The following MYO18B variants were observed in gnomAD, a reference collection of about 807,000 sequenced individuals.
MYO18B encodes the protein myosin XVIIIB, also known as unconventional myosin-XVIIIb.
A neutral mutation model predicts 273.0 loss-of-function variants in MYO18B; 204 were observed. That is an observed-to-expected ratio of 0.75 (90% CI 0.67 to 0.84). The LOEUF (loss-of-function observed/expected upper bound fraction) is 0.84, where lower values mean the gene tolerates loss of function less well. Among genes scored for constraint, MYO18B ranks in the 40% least tolerant of loss-of-function variants. The pLI is 0.00. For synonymous variants in MYO18B, 1,330 were observed against 1,305.7 expected, an observed-to-expected ratio of 1.02 and a Z score of -0.40; for missense variants, 3,212 against 3,287.6, an observed-to-expected ratio of 0.98 and a Z score of 0.56.
intron 39 of MYO18B, among the ~76,000 whole-genome samples, chr22:25,968,920 C>T (rs2093007037): frequency 6.6e-6 from 1 of 152,212 alleles, no homozygotes; most frequent in Non-Finnish European, 1.5e-5. Flanking sequence ...ATGGTGGCAG[C>T]TTCCTCTGAA....
chr22:26,040,168 C>A, the MYO18B span, among the ~76,000 whole-genome samples: 1 of 152,330 alleles, frequency 6.6e-6, no homozygotes, highest in African/African-American at 2.4e-5. Flanking sequence ...CTAGCTCCAT[C>A]TGAGTTGCTG....
intron 21 of MYO18B, among the ~76,000 whole-genome samples, chr22:25,855,035 C>T (rs1292007341): frequency 6.6e-6 from 1 of 152,094 alleles, no homozygotes; most frequent in Non-Finnish European, 1.5e-5. Context: ...ATCATTTCAT[C>T]ACCCAGGTAT....
At chr22:25,774,336 T>C (rs1261575996) in intron 7 of MYO18B, among the ~76,000 whole-genome samples, 2 of 152,180 alleles carry the variant, frequency 1.3e-5, no homozygotes, top group South Asian at 2.1e-4. Flanking sequence ...GTCCTTGTGG[T>C]GAGTGCTTAG....
At chr22:25,874,604 C>T (rs777872513) in intron 23 of MYO18B, among the ~76,000 whole-genome samples, 190 bp downstream of exon 23, 16 of 152,188 alleles carry the variant, frequency 1.1e-4, no homozygotes, top group East Asian at 5.8e-4. Flanking sequence ...TCCATGAGGT[C>T]GGCCTTGCGC....
the MYO18B span, among the ~76,000 whole-genome samples, chr22:26,041,681 G>A: frequency 0.026 from 3,926 of 152,286 alleles, 170 homozygotes; most frequent in African/African-American, 0.089. Flanking sequence ...AGACAAGAGC[G>A]GAATTAGGGA....
At chr22:25,968,646 CCTTT>C (rs1481129950) in intron 39 of MYO18B, among the ~76,000 whole-genome samples, 2 of 152,150 alleles carry the variant, frequency 1.3e-5, no homozygotes, top group African/African-American at 4.8e-5. Flanking sequence ...GCCTAAATTC[CCTTT>C]CTATCTTCTC....
chr22:25,932,915 G>A (rs930747280), intron 34 of MYO18B, among the ~76,000 whole-genome samples: 2 of 151,930 alleles, frequency 1.3e-5, no homozygotes, highest in East Asian at 3.9e-4. Flanking sequence ...GACCTGCCAA[G>A]CCTAAAATAA....
intron 39 of MYO18B, among the ~76,000 whole-genome samples, chr22:25,990,043 TGCCACCACCACGGCGTCCTTCCC>T (rs2093247643): frequency 6.6e-6 from 1 of 152,192 alleles, no homozygotes; most frequent in Non-Finnish European, 1.5e-5. Flanking sequence ...CTCCTTCTCA[TGCCACCACCACGGCGTCCTTCCC>T]GCCACCCCTT....
Position 25,785,451 on chromosome 22 carries a change from T to C in MYO18B, c.2336T>C (p.Met779Thr), listed in dbSNP as rs370084344. The part of the protein sequence containing the change: ...DLRTELNLHQ[M>T]ADSSSFGMGV... ...AGGACGGAGCTGAACCTGCACCAGATGGCAGATAGCAGCTCCTTTGGCATG... is the reference window on the plus strand; with the variant it reads ...AGGACGGAGCTGAACCTGCACCAGACGGCAGATAGCAGCTCCTTTGGCATG... The change falls in exon 11 of 44, where the codon ATG (methionine) becomes ACG (threonine). Residue 779 changes from methionine (M) to threonine (T), a missense_variant. By Grantham distance (81) the Met-to-Thr change is moderately conservative (BLOSUM62 -1). Transcript: ENST00000335473. The C allele has an allele frequency of 9.5e-5, 153 of 1,611,894 alleles. No homozygotes were observed. The highest frequency in any genetic ancestry group is 6.0e-4 in the South Asian group (54 of 90,292).
intron 8 of MYO18B, among the ~76,000 whole-genome samples, chr22:25,778,675 A>G (rs1172219584): frequency 6.6e-6 from 1 of 151,802 alleles, no homozygotes; most frequent in Non-Finnish European, 1.5e-5. Context: ...ATTTTTTTGT[A>G]GAGATGGGGC....
intron 34 of MYO18B, among the ~76,000 whole-genome samples, chr22:25,933,854 A>C (rs1429775656): frequency 6.6e-6 from 1 of 152,180 alleles, no homozygotes; most frequent in East Asian, 1.9e-4. Context: ...CATAACTAGA[A>C]GTGTGGTATC....
At chr22:25,778,157 C>T (rs1043309304) in intron 8 of MYO18B, among the ~76,000 whole-genome samples, 6 of 152,070 alleles carry the variant, frequency 3.9e-5, no homozygotes, top group Admixed American at 2.6e-4. Context: ...GCACAACTTG[C>T]GGAACTGAAC....
At chr22:26,042,485 A>G in the MYO18B span, among the ~76,000 whole-genome samples, 1 of 152,236 alleles carries the variant, frequency 6.6e-6, no homozygotes, top group African/African-American at 2.4e-5. Flanking sequence ...AGTGGGGAAT[A>G]TTTACATCTT....
At chr22:25,798,492 A>T (rs1569035207) in intron 12 of MYO18B, among the ~76,000 whole-genome samples, 1 of 152,174 alleles carries the variant, frequency 6.6e-6, no homozygotes, top group Non-Finnish European at 1.5e-5. Flanking sequence ...CTGGCAGTAC[A>T]GTAGGGCAGC....
intron 3 of MYO18B, among the ~76,000 whole-genome samples, chr22:25,767,817 AGAG>A (rs1352979399): frequency 5.3e-5 from 8 of 152,076 alleles, no homozygotes; most frequent in Non-Finnish European, 7.3e-5. Flanking sequence ...ACAGACTCAG[AGAG>A]GAGAAGTCAT....
chr22:25,876,025 T>TGTGC (rs2091183702), intron 23 of MYO18B, among the ~76,000 whole-genome samples, 164 bp from the exon 24 acceptor site: 1 of 145,688 alleles, frequency 6.9e-6, no homozygotes, highest in East Asian at 2.0e-4. Context: ...TGTGTGTGTG[T>TGTGC]GTGTGTGTGT....
intron 39 of MYO18B, among the ~76,000 whole-genome samples, chr22:25,976,528 T>C (rs1198588406): frequency 1.3e-5 from 2 of 152,186 alleles, no homozygotes; most frequent in African/African-American, 2.4e-5. Flanking sequence ...GGTCCAGAAA[T>C]CATTGTCTTA....
At chr22:25,770,321 GT>G (rs2145596615) in intron 5 of MYO18B, 145 bp downstream of exon 5, 1 of 710,444 alleles carries the variant, frequency 1.4e-6, no homozygotes, top group Non-Finnish European at 2.4e-6. Context: ...AAAGGCATTT[GT>G]GTCTTGATAA....
chr22:26,061,136 T>G, the MYO18B span, among the ~76,000 whole-genome samples: 1,360 of 152,332 alleles, frequency 8.9e-3, 14 homozygotes, highest in African/African-American at 0.03. Context: ...GACCCTGGAC[T>G]CCAGTAACAC....
Sources: allele counts gnomAD v4.1 joint callset (sites outside exome capture counted in the v4.1 genomes callset), GRCh38; gene constraint gnomAD v4.1.1; transcripts MANE v1.5; gene names NCBI Gene and HGNC (gene_info 2026-07-23, HGNC 2026-07-21).